The following TOX variants were observed in gnomAD, a reference collection of about 807,000 sequenced individuals.
The protein encoded by TOX is thymocyte selection associated high mobility group box.
Under a neutral mutation model 53.7 loss-of-function variants are expected in TOX, and 11 were observed. That is an observed-to-expected ratio of 0.20 (90% CI 0.13 to 0.34). The LOEUF is 0.34. Among genes scored for constraint, TOX ranks in the 10% least tolerant of loss-of-function variants. The pLI is 1.00. For missense variants in TOX, 570 were observed against 664.6 expected, an observed-to-expected ratio of 0.86 and a Z score of 1.56; for synonymous variants, 225 against 245.3, an observed-to-expected ratio of 0.92 and a Z score of 0.77.
chr8:59,092,332 A>G (rs1804636274), intron 1 of TOX, among the ~76,000 whole-genome samples: 2 of 132,360 alleles, frequency 1.5e-5, no homozygotes, highest in Non-Finnish European at 3.1e-5. Flanking sequence ...TATATATTAT[A>G]TATTATATAT....
At chr8:58,971,360 T>G (rs1200935358) in intron 1 of TOX, among the ~76,000 whole-genome samples, 5 of 152,214 alleles carry the variant, frequency 3.3e-5, no homozygotes, top group Admixed American at 3.3e-4. Flanking sequence ...GATTCTATCA[T>G]GGAGTGGGTT....
intron 1 of TOX, among the ~76,000 whole-genome samples, chr8:59,013,644 C>T (rs531395119): frequency 2.6e-5 from 4 of 152,220 alleles, no homozygotes; most frequent in East Asian, 3.9e-4. Flanking sequence ...CTCCTGGCCT[C>T]GTGATCCGCC....
intron 5 of TOX, among the ~76,000 whole-genome samples, chr8:58,833,640 C>T (rs1810500762): frequency 6.6e-6 from 1 of 152,216 alleles, no homozygotes. Flanking sequence ...AGACCAACAT[C>T]ACAGCAATAC....
At chr8:58,817,270 A>T (rs1810197023) in intron 6 of TOX, among the ~76,000 whole-genome samples, 2 of 151,626 alleles carry the variant, frequency 1.3e-5, no homozygotes, top group Non-Finnish European at 2.9e-5. Context: ...AAACATATAG[A>T]CTCCCTGTCT....
intron 1 of TOX, among the ~76,000 whole-genome samples, chr8:58,998,498 T>A (rs180838878): frequency 0.043 from 2,836 of 66,610 alleles, 34 homozygotes; most frequent in Middle Eastern, 0.1. Flanking sequence ...CAAAAGTATA[T>A]ATATATATAT....
At chr8:58,876,828 T>C (rs1044301435) in intron 3 of TOX, among the ~76,000 whole-genome samples, 1 of 152,182 alleles carries the variant, frequency 6.6e-6, no homozygotes, top group African/African-American at 2.4e-5. Context: ...AAGGAAATAG[T>C]TACAATTTTG....
rs371264267 is a variant in TOX, at chr8:58,807,562, T to A, written c.*185A>T. On this transcript the variant is annotated 3_prime_UTR_variant, in exon 9 of 9. Transcript: ENST00000361421. The stretch of plus-strand genomic sequence containing the variant: ...AAGAAAAACAATGTCCATAAAGGAT[T>A]AAAAAAATAATAAAGAAGCATGACT... The A allele has an allele frequency of 1.7e-6, 1 of 604,710 alleles. No individual in the cohort carries two copies. Among genetic ancestry groups the A allele is most frequent in the South Asian group, 2.5e-5 (1 of 40,178 alleles). 37.5% of individuals were successfully genotyped at this position (604,710 alleles called of 1,614,324 possible). A position where few individuals can be genotyped will look rare whatever the true frequency, so the allele number is the denominator to read the frequency against.
At chr8:58,840,771 TC>T (rs1353070960) in intron 4 of TOX, among the ~76,000 whole-genome samples, 1 of 152,136 alleles carries the variant, frequency 6.6e-6, no homozygotes, top group Non-Finnish European at 1.5e-5. Flanking sequence ...GCAACCTACT[TC>T]CGTGTGCTTT....
At chr8:59,091,976 G>A (rs542139817) in intron 1 of TOX, among the ~76,000 whole-genome samples, 3 of 151,998 alleles carry the variant, frequency 2.0e-5, no homozygotes, top group East Asian at 1.9e-4. Context: ...GTGGCCGGGC[G>A]TGGTGGCTCA....
intron 4 of TOX, among the ~76,000 whole-genome samples, chr8:58,839,512 G>C (rs1254355647): frequency 6.6e-6 from 1 of 152,030 alleles, no homozygotes; most frequent in African/African-American, 2.4e-5. Context: ...ATTTAAGATG[G>C]CTGCATTTGA....
chr8:59,023,186 T>C (rs535610878), intron 1 of TOX, among the ~76,000 whole-genome samples: 1 of 152,314 alleles, frequency 6.6e-6, no homozygotes, highest in South Asian at 2.1e-4. Flanking sequence ...GCTTAGCTTA[T>C]GTGTGTTCAG....
intron 1 of TOX, among the ~76,000 whole-genome samples, chr8:58,976,835 G>A (rs1317460870): frequency 6.6e-6 from 1 of 152,186 alleles, no homozygotes; most frequent in Non-Finnish European, 1.5e-5. Flanking sequence ...TGGTTGGGAA[G>A]GAATCTCATT....
At chr8:58,996,042 G>A (rs376039538) in intron 1 of TOX, among the ~76,000 whole-genome samples, 8 of 152,126 alleles carry the variant, frequency 5.3e-5, no homozygotes, top group African/African-American at 1.2e-4. Context: ...TCTATTCTTC[G>A]TCCAGTTTGA....
chr8:58,927,454 A>G (rs1261904570), intron 3 of TOX, among the ~76,000 whole-genome samples: 1 of 152,112 alleles, frequency 6.6e-6, no homozygotes, highest in East Asian at 1.9e-4. Context: ...TGCCTAGTTC[A>G]CCACCTGCCA....
At position 58,949,574 on chromosome 8, in the gene TOX, G is replaced by A. The variant is rs575404708; in HGVS notation, c.169-10030C>T. 2.0e-5 allele frequency among the ~76,000 whole-genome samples: 3 copies of A among 152,252 alleles called. No individual in the cohort carries two copies. In the South Asian group the frequency reaches 6.2e-4, roughly 32 times the overall value. On this transcript the variant is annotated intron_variant, in intron 2 of 8. Coordinates refer to ENST00000361421, the MANE Select transcript of TOX (RefSeq NM_014729.3). ...GTTAAATTATTTGCCTGCATTTATAGAACTAGTTGGGCAGATGAGAATCCC... is the reference window on the plus strand; with the variant it reads ...GTTAAATTATTTGCCTGCATTTATAAAACTAGTTGGGCAGATGAGAATCCC...
chr8:58,955,679 G>A (rs1260066156), intron 2 of TOX, among the ~76,000 whole-genome samples: 1 of 151,930 alleles, frequency 6.6e-6, no homozygotes, highest in African/African-American at 2.4e-5. Context: ...CCTGAGTCCA[G>A]GGCACTGGTG....
rs148175080 is a variant in TOX at position 59,095,448 on chromosome 8, C to T, written c.102+23438G>A. Among the ~76,000 whole-genome samples, 948 of 152,246 alleles carry T rather than the reference C, an allele frequency of 6.2e-3. 42 individuals are homozygous for T. The highest frequency in any genetic ancestry group is 0.058 in the Admixed American group (884 of 15,294). ...TTGAGATGAAGTCTCGCTCTGTCGC[C>T]CAGGCTGGAGTGCAATGGCATGATC... is the stretch of plus-strand genomic sequence containing the variant. On this transcript the variant is annotated intron_variant, in intron 1 of 8. Transcript: ENST00000361421.
intron 1 of TOX, among the ~76,000 whole-genome samples, chr8:59,090,707 A>T (rs1446329752): frequency 1.3e-5 from 2 of 151,876 alleles, no homozygotes; most frequent in Admixed American, 1.3e-4. Context: ...CCCTCATCTC[A>T]CAGCAACTGT....
intron 1 of TOX, among the ~76,000 whole-genome samples, chr8:59,104,943 A>T (rs1188958257): frequency 1.3e-5 from 2 of 152,134 alleles, no homozygotes; most frequent in African/African-American, 4.8e-5. Context: ...TTCCTCTCTT[A>T]TTAGCCATAT....
Sources: allele counts gnomAD v4.1 joint callset (sites outside exome capture counted in the v4.1 genomes callset), GRCh38; gene constraint gnomAD v4.1.1; transcripts MANE v1.5; gene names NCBI Gene and HGNC (gene_info 2026-07-23, HGNC 2026-07-21).